ADCY3: variants seen among roughly 807,000 people sequenced by gnomAD.
ADCY3 encodes the protein adenylate cyclase type 3.
Under a neutral mutation model 119.4 loss-of-function variants are expected in ADCY3, and 70 were observed. That is an observed-to-expected ratio of 0.59 (90% CI 0.48 to 0.72). The LOEUF is 0.72. Ranked by LOEUF, ADCY3 falls within the 30% of genes least tolerant of loss-of-function variation. The probability of loss-of-function intolerance (pLI) is 0.00; values close to 1 mark genes in which losing one functional copy is unlikely to be tolerated. For missense variants in ADCY3, 1,238 were observed against 1,541.6 expected, an observed-to-expected ratio of 0.80 and a Z score of 3.30; for synonymous variants, 672 against 621.4, an observed-to-expected ratio of 1.08 and a Z score of -1.21.
rs985192371 is a variant in ADCY3, at chr2:24,841,180, G to A, written c.1196+79C>T. 38 of 1,444,690 alleles carry A rather than the reference G, an allele frequency of 2.6e-5. No individual in the cohort carries two copies. Among genetic ancestry groups the A allele is most frequent in the Admixed American group, 2.4e-4 (10 of 42,038 alleles). The allele number at this position is 1,444,690 out of a possible 1,614,324, so 89.5% of individuals were successfully genotyped here. On this transcript the variant is annotated intron_variant, in intron 6 of 21. Transcript: ENST00000679454. This position sits in a 1 kb window ranked among gnomAD's most constrained non-coding sequence, Gnocchi z 5.8. ...CCCCCACCCAGGGGCCATGGCCAGC[G>A]CGGAAGACCTGCTTCTCCCTGGGTC...
Position 24,904,584 on chromosome 2 carries a change from G to A in ADCY3, c.675+13729C>T, listed in dbSNP as rs190961718. Among the ~76,000 whole-genome samples, 209 of 152,260 alleles carry A rather than the reference G, an allele frequency of 1.4e-3. 3 individuals are homozygous for A. The Middle Eastern group carries it at 0.051, about 37-fold the overall frequency. ...TTGTCTCTGTGGAGAACTTCATGTG[G>A]AAAGCATATTCTCTCCGACATTTAG... On this transcript the variant is annotated intron_variant, in intron 2 of 21. Coordinates refer to ENST00000679454, the MANE Select transcript of ADCY3 (RefSeq NM_004036.5).
Position 24,892,530 on chromosome 2 carries a change from C to T in ADCY3, c.676-19811G>A, listed in dbSNP as rs987067942. Among the ~76,000 whole-genome samples, 21 of 152,130 alleles carry T rather than the reference C, an allele frequency of 1.4e-4. No individual in the cohort carries two copies. In the Middle Eastern group the frequency reaches 0.01, roughly 75 times the overall value. ...CCTCCCAAAGTGCTGGGATTATAGG[C>T]GTGAGCCACCACTCCCAGCCAAAGT... On this transcript the variant is annotated intron_variant, in intron 2 of 21. Transcript: ENST00000679454.
intron 2 of ADCY3, among the ~76,000 whole-genome samples, chr2:24,895,684 T>C (rs1678182679): frequency 1.3e-5 from 2 of 151,800 alleles, no homozygotes; most frequent in Non-Finnish European, 1.5e-5. Context: ...TAGAGTGCAG[T>C]GATGGAATCT....
chr2:24,877,822 G>A lies in ADCY3; in HGVS notation c.676-5103C>T, dbSNP rs571952814. On this transcript the variant is annotated intron_variant, in intron 2 of 21. Coordinates refer to ENST00000679454, the MANE Select transcript of ADCY3 (RefSeq NM_004036.5). ...GGGAAGAGGCTCCTTGGCCTGGGGC[G>A]AGACAGCTGGCGCTCGAAGCCTTAC... The A allele has an allele frequency of 2.2e-5, 10 of 464,022 alleles. No individual in the cohort carries two copies. The East Asian group carries it at 6.3e-4, about 29-fold the overall frequency. The allele number at this position is 464,022 out of a possible 1,614,324, so 28.7% of individuals were successfully genotyped here.
At chr2:24,868,802 G>C (rs559701337) in intron 3 of ADCY3, among the ~76,000 whole-genome samples, 122 of 152,098 alleles carry the variant, frequency 8.0e-4, no homozygotes, top group African/African-American at 2.9e-3. Context: ...AGATCACAAG[G>C]TCAGGAGATG....
intron 3 of ADCY3, among the ~76,000 whole-genome samples, chr2:24,862,374 G>T (rs575101509): frequency 1.5e-4 from 23 of 152,046 alleles, no homozygotes; most frequent in Non-Finnish European, 1.5e-4. Flanking sequence ...GTGAAACCCC[G>T]TCTCTACTAA....
At position 24,825,196 on chromosome 2, in the gene ADCY3, G is replaced by A. The variant is rs760774778; in HGVS notation, c.2578-660C>T. Among the ~76,000 whole-genome samples, 92 of 152,232 alleles carry A rather than the reference G, an allele frequency of 6.0e-4. 2 individuals are homozygous for A. The highest frequency in any genetic ancestry group is 3.8e-4 in the Non-Finnish European group (26 of 68,000). On this transcript the variant is annotated intron_variant, in intron 16 of 21. Transcript: ENST00000679454. ...GCAGGCGCCATTTGGGTAAGAAGTGGCTTGGGAAGGCTGTACTTCCCTGGA... is the reference window on the plus strand; with the variant it reads ...GCAGGCGCCATTTGGGTAAGAAGTGACTTGGGAAGGCTGTACTTCCCTGGA...
intron 3 of ADCY3, among the ~76,000 whole-genome samples, chr2:24,868,411 C>A (rs1674565421): frequency 6.6e-6 from 1 of 152,168 alleles, no homozygotes; most frequent in African/African-American, 2.4e-5. Context: ...TGGGGGCTCA[C>A]GCCTGTAATC....
At chr2:24,908,214 C>T (rs955487906) in intron 2 of ADCY3, among the ~76,000 whole-genome samples, 2 of 151,292 alleles carry the variant, frequency 1.3e-5, no homozygotes, top group African/African-American at 4.9e-5. Context: ...CCCAGCTACT[C>T]GGGAAGGCTG....
At position 24,822,627 on chromosome 2, in the gene ADCY3, G is replaced by C. The variant is rs753074005; in HGVS notation, c.2887C>G (p.Leu963Val). 1 of 1,613,928 alleles carries C rather than the reference G, an allele frequency of 6.2e-7. No homozygotes were observed. The highest frequency in any genetic ancestry group is 8.5e-7 in the Non-Finnish European group (1 of 1,179,860). ...ATCACCCGGAACTTGGGATTGTCCA[G>C]GAGCTGAGGCCAGGATTCAGGAAAG... The part of the protein sequence containing the change: ...NEIISDFDSL[L>V]DNPKFRVITK... The change falls in exon 19 of 22, where the codon CTG becomes GTG. Residue 963 changes from leucine to valine, a missense_variant. Around this residue, in one of 7 missense-constraint regions of ADCY3, gnomAD observed 37 missense variants for 73.5 expected, o/e 0.50. Coordinates refer to ENST00000679454, the MANE Select transcript of ADCY3 (RefSeq NM_004036.5).
chr2:24,829,758 T>A (rs990451427), intron 13 of ADCY3, among the ~76,000 whole-genome samples: 3 of 150,198 alleles, frequency 2.0e-5, no homozygotes, highest in Non-Finnish European at 4.4e-5. Flanking sequence ...ACAATAACAT[T>A]ATATTTGAAA....
At position 24,824,492 on chromosome 2, in the gene ADCY3, G is replaced by T; in HGVS notation, c.2622C>A (p.Val874=). 1 of 1,614,202 alleles carries T rather than the reference G, an allele frequency of 6.2e-7. No individual in the cohort carries two copies. Among genetic ancestry groups the T allele is most frequent in the Non-Finnish European group, 8.5e-7 (1 of 1,180,030 alleles). The part of the protein sequence containing the change: ...ARTLFLWKIE[V]HDQKERVYEM... Reference sequence around the variant, plus strand: ...CATAGACACGTTCCTTCTGGTCGTGGACCTCAATCTTCCACAAGAAAAGTG... The same window carrying T: ...CATAGACACGTTCCTTCTGGTCGTGTACCTCAATCTTCCACAAGAAAAGTG... Residue 874 remains valine (V), a synonymous_variant, in exon 17 of 22, where the codon GTC becomes GTA. Transcript: ENST00000679454.
In ADCY3 at chr2:24,841,284, C is replaced by A; in HGVS notation, c.1171G>T (p.Gly391Trp). 6.4e-7 allele frequency: 1 copy of A among 1,568,870 alleles called. No homozygotes were observed. Among genetic ancestry groups the A allele is most frequent in the Non-Finnish European group, 8.6e-7 (1 of 1,157,250 alleles). ...GAGATGGCCTCCACCATGGCCAGCC[C>A]CATGAGGATGGAGCAGACGGCGTGG... ...EDHAVCSILM[G>W]LAMVEAISYV... The change falls in exon 6 of 22, where the codon GGG becomes TGG. Residue 391 changes from glycine to tryptophan, a missense_variant. By Grantham distance (184) the Gly-to-Trp change is radical (BLOSUM62 -2). Around this residue, in one of 7 missense-constraint regions of ADCY3, gnomAD observed 283 missense variants for 437.2 expected, o/e 0.65. Transcript: ENST00000679454. This position sits in a 1 kb window ranked among gnomAD's most constrained non-coding sequence, Gnocchi z 5.8.
At chr2:24,860,738 T>C (rs1008550729) in intron 3 of ADCY3, among the ~76,000 whole-genome samples, 13 of 152,164 alleles carry the variant, frequency 8.5e-5, no homozygotes, top group Admixed American at 6.5e-5. Context: ...TGCCCACCCA[T>C]CTGGGAGTTG....
intron 3 of ADCY3, among the ~76,000 whole-genome samples, chr2:24,861,250 CAAAAA>C (rs67641689): frequency 3.5e-5 from 4 of 113,410 alleles, no homozygotes; most frequent in African/African-American, 6.4e-5. Flanking sequence ...GACTCCATCT[CAAAAA>C]AAAAAAAAAA....
At chr2:24,880,233 T>C (rs1676228431) in intron 2 of ADCY3, among the ~76,000 whole-genome samples, 1 of 152,236 alleles carries the variant, frequency 6.6e-6, no homozygotes, top group African/African-American at 2.4e-5. Context: ...ATCTGACATG[T>C]TAGGCCAGGT....
intron 2 of ADCY3, among the ~76,000 whole-genome samples, chr2:24,891,982 G>A (rs888977148): frequency 5.3e-5 from 8 of 152,166 alleles, no homozygotes; most frequent in African/African-American, 1.4e-4. Context: ...CAGCCCCCAC[G>A]AATAAGGGGG....
At chr2:24,840,494 C>T (rs777323565) in intron 6 of ADCY3, 1 of 444,892 alleles carries the variant, frequency 2.2e-6, no homozygotes, top group Non-Finnish European at 4.7e-6. Context: ...ACACTGCTTT[C>T]TTTCCAGGGC....
At chr2:24,883,640 C>T (rs1423808811) in intron 2 of ADCY3, among the ~76,000 whole-genome samples, 3 of 152,238 alleles carry the variant, frequency 2.0e-5, no homozygotes, top group Non-Finnish European at 4.4e-5. Flanking sequence ...ATAAGCAACA[C>T]TGGGTACATT....
Sources: gnomAD v4.1 joint callset for allele counts (sites outside exome capture counted in the v4.1 genomes callset) on GRCh38, gnomAD v4.1.1 for gene constraint, gnomAD v4.1.1 regional missense constraint, Gnocchi (gnomAD v3.1) non-coding constraint, MANE v1.5 for transcripts, NCBI Gene and HGNC (gene_info 2026-07-23, HGNC 2026-07-21) for gene names.